Variants in COLEC11 observed in about 807,000 individuals in gnomAD.
COLEC11 encodes the protein collectin subfamily member 11.
COLEC11 carries 20 observed loss-of-function variants against 27.3 expected under a neutral mutation model. The ratio of observed to expected loss-of-function variants is 0.73; its 90% CI spans 0.51 to 1.06. The LOEUF is 1.06. Ranked by LOEUF, COLEC11 falls within the 50% of genes least tolerant of loss-of-function variation. The probability of loss-of-function intolerance (pLI) is 0.00; values close to 1 mark genes in which losing one functional copy is unlikely to be tolerated. For synonymous variants in COLEC11, 163 were observed against 154.7 expected (o/e 1.05, Z -0.40); for missense variants, 310 against 383.0 (o/e 0.81, Z 1.59).
chr2:3,633,750 G>A lies in COLEC11; in HGVS notation c.203-3783G>A, dbSNP rs546849402. 6.6e-5 allele frequency among the ~76,000 whole-genome samples: 10 copies of A among 152,248 alleles called. No individual in the cohort carries two copies. The East Asian group carries it at 1.4e-3, about 21-fold the overall frequency. ...CTCTGGAATAGTGCGGTGGAGAGCTGGGCGAGTTTGTCTTTGGACAGAAGG... is the reference window on the plus strand; with the variant it reads ...CTCTGGAATAGTGCGGTGGAGAGCTAGGCGAGTTTGTCTTTGGACAGAAGG... On this transcript the variant is annotated intron_variant, in intron 3 of 6. Transcript: ENST00000349077.
chr2:3,640,968 T>C (rs1295003985), intron 5 of COLEC11, among the ~76,000 whole-genome samples: 6 of 127,314 alleles, frequency 4.7e-5, no homozygotes, highest in African/African-American at 1.8e-4. Context: ...CCACCCACCA[T>C]GTAGACCCCA....
At chr2:3,607,960 G>T (rs1662864561) in intron 2 of COLEC11, among the ~76,000 whole-genome samples, 1 of 152,204 alleles carries the variant, frequency 6.6e-6, no homozygotes, top group South Asian at 2.1e-4. Flanking sequence ...GGGTGCCGTG[G>T]CACTTGTTGT....
At chr2:3,607,655 T>G (rs1025106880) in intron 2 of COLEC11, among the ~76,000 whole-genome samples, 6 of 151,980 alleles carry the variant, frequency 3.9e-5, no homozygotes, top group Admixed American at 1.3e-4. Context: ...CACCATGTTA[T>G]CCAGGCTGGT....
chr2:3,606,765 C>T (rs567480686), intron 2 of COLEC11, among the ~76,000 whole-genome samples: 1 of 152,338 alleles, frequency 6.6e-6, no homozygotes, highest in African/African-American at 2.4e-5. Context: ...CCCAGCATGT[C>T]AGGAATTGGG....
At chr2:3,613,861 G>A (rs959455355) in intron 3 of COLEC11, among the ~76,000 whole-genome samples, 4 of 152,128 alleles carry the variant, frequency 2.6e-5, no homozygotes, top group African/African-American at 9.7e-5. Flanking sequence ...AATGTATCAT[G>A]TGTAAAGTAG....
chr2:3,619,641 T>C (rs1298901625), intron 3 of COLEC11, among the ~76,000 whole-genome samples: 1 of 152,252 alleles, frequency 6.6e-6, no homozygotes, highest in East Asian at 1.9e-4. Flanking sequence ...TACTTTTGTT[T>C]TTGAGACGGA....
chr2:3,603,558 C>A, intron 1 of COLEC11: 1 of 1,246,380 alleles, frequency 8.0e-7, no homozygotes, highest in Non-Finnish European at 1.1e-6. Context: ...TTTAGGTGAT[C>A]TGCCCACCTC....
chr2:3,637,685 T>A, intron 4 of COLEC11, 81 bp downstream of exon 4: 1 of 1,106,014 alleles, frequency 9.0e-7, no homozygotes, highest in East Asian at 2.3e-5. Context: ...AATTGTAGCC[T>A]GAATTGTCTC....
At chr2:3,632,491 C>T (rs182661820) in intron 3 of COLEC11, among the ~76,000 whole-genome samples, 41 of 152,304 alleles carry the variant, frequency 2.7e-4, no homozygotes, top group Admixed American at 6.5e-4. Flanking sequence ...GCGTCTCACG[C>T]GGCCTTTCCT....
chr2:3,608,288 A>C (rs979578722), intron 2 of COLEC11, among the ~76,000 whole-genome samples: 4 of 152,244 alleles, frequency 2.6e-5, no homozygotes, highest in Admixed American at 2.6e-4. Context: ...GAAGTGAGCC[A>C]GCAGTTGAAA....
At chr2:3,623,905 T>C (rs746658850) in intron 3 of COLEC11, among the ~76,000 whole-genome samples, 2 of 152,230 alleles carry the variant, frequency 1.3e-5, no homozygotes, top group East Asian at 1.9e-4. Flanking sequence ...CTTGCATTGC[T>C]GTTTTCTCAT....
chr2:3,628,860 C>T (rs558905950), intron 3 of COLEC11, among the ~76,000 whole-genome samples: 41 of 152,194 alleles, frequency 2.7e-4, no homozygotes, highest in Non-Finnish European at 4.1e-4. Flanking sequence ...AGATGGGAGG[C>T]GCAGCACTGC....
chr2:3,606,829 A>T (rs1662742733), intron 2 of COLEC11, among the ~76,000 whole-genome samples: 1 of 152,198 alleles, frequency 6.6e-6, no homozygotes, highest in Non-Finnish European at 1.5e-5. Context: ...TGCCGGCCCC[A>T]GCATGTGCCG....
chr2:3,596,940 G>A (rs924363784), intron 1 of COLEC11, among the ~76,000 whole-genome samples: 4 of 152,272 alleles, frequency 2.6e-5, no homozygotes, highest in Non-Finnish European at 4.4e-5. Flanking sequence ...CCTGCTGTGC[G>A]TCTGAGAGCG....
intron 1 of COLEC11, among the ~76,000 whole-genome samples, chr2:3,601,071 G>T (rs1662183062): frequency 6.6e-6 from 1 of 152,090 alleles, no homozygotes; most frequent in African/African-American, 2.4e-5. Flanking sequence ...GATTCCTCGT[G>T]GATTCTTGTA....
intron 2 of COLEC11, among the ~76,000 whole-genome samples, chr2:3,608,073 A>G (rs1350986607): frequency 6.6e-6 from 1 of 152,250 alleles, no homozygotes; most frequent in African/African-American, 2.4e-5. Context: ...AACTGGCTAT[A>G]AATATGTCGA....
At chr2:3,603,671 T>C in intron 1 of COLEC11, 2 of 1,551,036 alleles carry the variant, frequency 1.3e-6, no homozygotes, top group South Asian at 2.4e-5. Context: ...GGTCAGCACG[T>C]ACCCGCCCCT....
chr2:3,643,256 A>C (rs1572484767), intron 5 of COLEC11, among the ~76,000 whole-genome samples, 188 bp from the exon 6 acceptor site: 1 of 150,620 alleles, frequency 6.6e-6, no homozygotes, highest in African/African-American at 2.5e-5. Context: ...CCCTCCCTCC[A>C]CTCCTGTGGA....
intron 4 of COLEC11, among the ~76,000 whole-genome samples, chr2:3,638,172 G>A (rs1448531673): frequency 6.6e-6 from 1 of 152,236 alleles, no homozygotes; most frequent in Non-Finnish European, 1.5e-5. Context: ...AAGGCGGGCA[G>A]ATCAGCTGCG....
Sources: gnomAD v4.1 joint callset for allele counts (sites outside exome capture counted in the v4.1 genomes callset) on GRCh38, gnomAD v4.1.1 for gene constraint, MANE v1.5 for transcripts, NCBI Gene and HGNC (gene_info 2026-07-23, HGNC 2026-07-21) for gene names.